Variants in ATL2 observed in about 807,000 individuals in gnomAD.
The protein encoded by ATL2 is atlastin GTPase 2, also known as atlastin-2.
In ATL2, 31 loss-of-function variants were observed where a neutral mutation model predicts 73.9. The ratio of observed to expected loss-of-function variants is 0.42; its 90% confidence interval spans 0.32 to 0.57. ATL2 has a LOEUF of 0.57. Among genes scored for constraint, ATL2 ranks in the 20% least tolerant of loss-of-function variants. The pLI is 0.14. For missense variants in ATL2, 738 were observed against 702.6 expected (o/e 1.05, Z -0.57); for synonymous variants, 291 against 237.5 (o/e 1.23, Z -2.07).
Position 38,300,141 on chromosome 2 carries a change from G to A in ATL2, c.1128+131C>T, listed in dbSNP as rs1458855179. On this transcript the variant is annotated intron_variant, in intron 10 of 12. Transcript: ENST00000378954. ...AAACCTTAGGACCCACGACACATAC[G>A]GCCTTAAGCAAAATGTGTTTGCATG... 5.6e-6 allele frequency: 4 copies of A among 709,002 alleles called. No individual in the cohort carries two copies. In the South Asian group the frequency reaches 6.8e-5, roughly 12 times the overall value. 43.9% of individuals were successfully genotyped at this position (709,002 alleles called of 1,614,324 possible).
At chr2:38,331,360 C>T (rs939113007) in intron 2 of ATL2, among the ~76,000 whole-genome samples, 2 of 150,230 alleles carry the variant, frequency 1.3e-5, no homozygotes, top group African/African-American at 2.4e-5. Flanking sequence ...CACTTAAACC[C>T]GGGAGGCAGA....
intron 2 of ATL2, among the ~76,000 whole-genome samples, chr2:38,332,126 G>A (rs967663699): frequency 1.3e-5 from 2 of 152,062 alleles, no homozygotes; most frequent in East Asian, 1.9e-4. Context: ...ATAGATTAGC[G>A]GTTCCTTCAG....
At position 38,327,849 on chromosome 2, in the gene ATL2, C is replaced by A. The variant is rs183884302; in HGVS notation, c.364-8830G>T. Among the ~76,000 whole-genome samples the A allele has an allele frequency of 1.6e-3, 243 of 152,130 alleles. 3 individuals are homozygous for A. Among genetic ancestry groups the A allele is most frequent in the African/African-American group, 5.7e-3 (237 of 41,508 alleles). On this transcript the variant is annotated intron_variant, in intron 2 of 12. Transcript: ENST00000378954. ...TACTGAGGAGGCTAAGGCAGAAGAACCATTTGAATCAGAGAGGCGGAGGTT... is the reference window on the plus strand; with the variant it reads ...TACTGAGGAGGCTAAGGCAGAAGAAACATTTGAATCAGAGAGGCGGAGGTT...
chr2:38,328,067 A>T (rs750671587), intron 2 of ATL2, among the ~76,000 whole-genome samples: 7 of 152,244 alleles, frequency 4.6e-5, no homozygotes, highest in Non-Finnish European at 8.8e-5. Context: ...CCATGCCAAC[A>T]CTAATCAAAA....
intron 1 of ATL2, among the ~76,000 whole-genome samples, chr2:38,369,918 G>A (rs940053841): frequency 1.3e-5 from 2 of 148,514 alleles, no homozygotes; most frequent in African/African-American, 2.5e-5. Flanking sequence ...TTGGGAAGCC[G>A]AGGCAGGTGG....
chr2:38,312,041 A>G (rs1667782303), intron 7 of ATL2, among the ~76,000 whole-genome samples: 1 of 152,218 alleles, frequency 6.6e-6, no homozygotes, highest in Non-Finnish European at 1.5e-5. Context: ...TCATACCCCA[A>G]GTCTTTAATG....
chr2:38,324,654 G>T (rs965235624), intron 2 of ATL2, among the ~76,000 whole-genome samples: 2 of 152,194 alleles, frequency 1.3e-5, no homozygotes, highest in South Asian at 4.1e-4. Context: ...CCCAAGTCAT[G>T]AGCCCAGAAA....
intron 7 of ATL2, 54 bp downstream of exon 7, chr2:38,313,096 AC>A: frequency 7.7e-7 from 1 of 1,297,558 alleles, no homozygotes; most frequent in South Asian, 1.3e-5. Context: ...CGGACAGCCC[AC>A]CCGTTTGCCT....
rs1666850944 is a variant in ATL2 at position 38,295,629 on chromosome 2, T to G, written c.*365A>C. The stretch of plus-strand genomic sequence containing the variant: ...TCATAAATTCTCTAAAAATTAAAAT[T>G]TCAATGGGACACTGTGTTAAAGAGA... On this transcript the variant is annotated 3_prime_UTR_variant, in exon 13 of 13. Coordinates refer to ENST00000378954, the MANE Select transcript of ATL2 (RefSeq NM_001135673.4). 1 of 156,106 alleles carries G rather than the reference T, an allele frequency of 6.4e-6. No individual in the cohort carries two copies. Among genetic ancestry groups the G allele is most frequent in the South Asian group, 2.0e-4 (1 of 4,976 alleles). The allele number at this position is 156,106 out of a possible 1,614,324, so 9.7% of individuals were successfully genotyped here. A position where few individuals can be genotyped will look rare whatever the true frequency, so the allele number is the denominator to read the frequency against.
At chr2:38,348,636 G>GAA (rs796554102) in intron 1 of ATL2, among the ~76,000 whole-genome samples, 2 of 131,806 alleles carry the variant, frequency 1.5e-5, no homozygotes, top group African/African-American at 2.8e-5. Context: ...AGAAGTTTAA[G>GAA]AAAAAAAAAA....
intron 7 of ATL2, among the ~76,000 whole-genome samples, chr2:38,311,398 T>C (rs1188888186): frequency 6.6e-6 from 1 of 152,180 alleles, no homozygotes; most frequent in Non-Finnish European, 1.5e-5. Context: ...CTAAACACTC[T>C]TCTGGAAAAC....
At position 38,299,424 on chromosome 2, in the gene ATL2, A is replaced by C. The variant is rs555994398; in HGVS notation, c.1129-97T>G. 1.2e-5 allele frequency: 15 copies of C among 1,229,948 alleles called. 1 individual carries two copies. Among genetic ancestry groups the C allele is most frequent in the Non-Finnish European group, 1.6e-5 (15 of 923,614 alleles). 76.2% of individuals were successfully genotyped at this position (1,229,948 alleles called of 1,614,324 possible). On this transcript the variant is annotated intron_variant, in intron 10 of 12. Transcript: ENST00000378954. ...AGTTATGTACAATAAACAAGTCTGAAAATGAACCAGAGAAAGTAACTTCCA... is the reference window on the plus strand; with the variant it reads ...AGTTATGTACAATAAACAAGTCTGACAATGAACCAGAGAAAGTAACTTCCA...
chr2:38,325,050 T>C (rs895349359), intron 2 of ATL2, among the ~76,000 whole-genome samples: 2 of 152,192 alleles, frequency 1.3e-5, no homozygotes, highest in Admixed American at 1.3e-4. Flanking sequence ...GTTATGTATA[T>C]CTTACCACAA....
chr2:38,320,635 A>T (rs12712585), intron 2 of ATL2, among the ~76,000 whole-genome samples: 50,105 of 151,866 alleles, frequency 0.33, 8,457 homozygotes, highest in South Asian at 0.47. Flanking sequence ...AAGATCCCTA[A>T]AGTTTAGTAT....
chr2:38,353,078 G>C (rs185401022), intron 1 of ATL2, among the ~76,000 whole-genome samples: 2 of 152,194 alleles, frequency 1.3e-5, no homozygotes, highest in East Asian at 3.9e-4. Context: ...AAGAAAGAAG[G>C]AAATGTAGCC....
rs1012189598 is a variant in ATL2, at chr2:38,309,487, T to C, written c.963A>G (p.Lys321=). The C allele has an allele frequency of 2.5e-6, 4 of 1,611,444 alleles. No homozygotes were observed. The African/African-American group carries it at 5.3e-5, about 22-fold the overall frequency. ...GRLKDIDEDF[K]RELRNLVPLL... Reference sequence around the variant, plus strand: ...ATGGAACCAGATTTCGAAGCTCTCGTTTAAAGTCTTCATCAATATCTAGAA... The same window carrying C: ...ATGGAACCAGATTTCGAAGCTCTCGCTTAAAGTCTTCATCAATATCTAGAA... The change falls in exon 9 of 13, where the codon AAA becomes AAG. Residue 321 remains lysine, a synonymous_variant. Coordinates refer to ENST00000378954, the MANE Select transcript of ATL2 (RefSeq NM_001135673.4).
rs187452610 is a variant in ATL2, at chr2:38,301,044, C to T, written c.1072-716G>A. On this transcript the variant is annotated intron_variant, in intron 9 of 12. Coordinates refer to ENST00000378954, the MANE Select transcript of ATL2 (RefSeq NM_001135673.4). ...GGAGTGCAACGGCACGACCTCAGCT[C>T]ACCACAACCTCCGCCTCCTGGGTTC... Among the ~76,000 whole-genome samples, 815 of 151,550 alleles carry T rather than the reference C, an allele frequency of 5.4e-3. 3 individuals are homozygous for T. Among genetic ancestry groups the T allele is most frequent in the Non-Finnish European group, 9.4e-3 (639 of 67,954 alleles).
intron 1 of ATL2, among the ~76,000 whole-genome samples, chr2:38,348,062 T>C (rs1670127708): frequency 6.6e-6 from 1 of 152,016 alleles, no homozygotes; most frequent in South Asian, 2.1e-4. Context: ...CCACTATGCC[T>C]GGCCCTGCCC....
chr2:38,296,171 T>C (rs776636679), intron 12 of ATL2, 58 bp from the exon 13 acceptor site: 10 of 1,484,188 alleles, frequency 6.7e-6, no homozygotes, highest in South Asian at 5.3e-5. Flanking sequence ...AAGAGTTACA[T>C]ATAAAAATAG....
Sources: gnomAD v4.1 joint callset for allele counts (sites outside exome capture counted in the v4.1 genomes callset) on GRCh38, gnomAD v4.1.1 for gene constraint, MANE v1.5 for transcripts, NCBI Gene and HGNC (gene_info 2026-07-23, HGNC 2026-07-21) for gene names.